The following TUBA4B variants were observed in gnomAD, a reference collection of about 807,000 sequenced individuals.
The protein encoded by TUBA4B is tubulin alpha 4b.
Under a neutral mutation model 18.4 loss-of-function variants are expected in TUBA4B, and 13 were observed. That is an observed-to-expected ratio of 0.71 (90% CI 0.46 to 1.12). The LOEUF is 1.12. Ranked by LOEUF, TUBA4B falls within the 50% of genes most tolerant of loss-of-function variation. TUBA4B has a pLI of 0.00. For missense variants in TUBA4B, 244 were observed against 250.0 expected (o/e 0.98, Z 0.16); for synonymous variants, 101 against 99.1 (o/e 1.02, Z -0.11).
At position 219,253,357 on chromosome 2, in the gene TUBA4B, G is replaced by GGT. The variant is rs945158333; in HGVS notation, c.-50_-49insTG. The GGT allele has an allele frequency of 9.2e-6, 14 of 1,515,780 alleles. No homozygotes were observed. Among genetic ancestry groups the GGT allele is most frequent in the East Asian group, 2.5e-5 (1 of 40,812 alleles). 93.9% of individuals were successfully genotyped at this position (1,515,780 alleles called of 1,614,324 possible). On this transcript the variant is annotated 5_prime_UTR_variant, in exon 1 of 4. Transcript: ENST00000490341. ...TCAGACGCGGGGTGCTGAGTCACGG[G>GGT]GGGGGGGTGGTTCTGTGGATAGTTG...
At chr2:219,259,096 C>T (rs2015737017) in intron 1 of TUBA4B, among the ~76,000 whole-genome samples, 1 of 151,214 alleles carries the variant, frequency 6.6e-6, no homozygotes, top group Non-Finnish European at 1.5e-5. Context: ...GCCTGACCAA[C>T]ATGGTGAAAC....
At chr2:219,254,035 C>T (rs968347235) in intron 1 of TUBA4B, 3 of 559,982 alleles carry the variant, frequency 5.4e-6, no homozygotes, top group South Asian at 4.0e-5. Context: ...GGGTAAGCGG[C>T]CCCCCCGAGG....
At position 219,253,361 on chromosome 2, in the gene TUBA4B, G is replaced by A. The variant is rs1401217878; in HGVS notation, c.-47G>A. The A allele has an allele frequency of 2.0e-6, 3 of 1,534,020 alleles. No homozygotes were observed. The highest frequency in any genetic ancestry group is 2.4e-5 in the East Asian group (1 of 40,912). The stretch of plus-strand genomic sequence containing the variant: ...ACGCGGGGTGCTGAGTCACGGGGGG[G>A]GGGTGGTTCTGTGGATAGTTGGAAT... On this transcript the variant is annotated 5_prime_UTR_variant, in exon 1 of 4. Coordinates refer to ENST00000490341, the MANE Select transcript of TUBA4B (RefSeq NM_001355221.1).
chr2:219,257,641 CAAAAAAAAA>C (rs1158116997), intron 1 of TUBA4B, among the ~76,000 whole-genome samples: 4 of 41,488 alleles, frequency 9.6e-5, no homozygotes, highest in African/African-American at 1.7e-4. Context: ...GACACTGTCT[CAAAAAAAAA>C]AAAAAAAAAA....
intron 1 of TUBA4B, among the ~76,000 whole-genome samples, chr2:219,257,013 T>C (rs1430138697): frequency 1.3e-5 from 2 of 149,758 alleles, no homozygotes; most frequent in Non-Finnish European, 3.0e-5. Flanking sequence ...GGCCAACACC[T>C]TCATTTCAGT....
Position 219,254,090 on chromosome 2 carries a change from C to A in TUBA4B, c.12+671C>A, listed in dbSNP as rs1329096635. On this transcript the variant is annotated intron_variant, in intron 1 of 3. Coordinates refer to ENST00000490341, the MANE Select transcript of TUBA4B (RefSeq NM_001355221.1). Reference sequence around the variant, plus strand: ...CCCTCCCCAAGCTGCGCGGGGGTCCCTCACCTGTCCCGCTGGGATTAAGAG... The same window carrying A: ...CCCTCCCCAAGCTGCGCGGGGGTCCATCACCTGTCCCGCTGGGATTAAGAG... 1.6e-5 allele frequency: 7 copies of A among 434,518 alleles called. No homozygotes were observed. In the South Asian group the frequency reaches 4.4e-4, roughly 27 times the overall value. 26.9% of individuals were successfully genotyped at this position (434,518 alleles called of 1,614,324 possible). A position where few individuals can be genotyped will look rare whatever the true frequency, so the allele number is the denominator to read the frequency against.
intron 3 of TUBA4B, 62 bp downstream of exon 3, chr2:219,270,397 T>C (rs1951818387): frequency 2.9e-6 from 2 of 696,436 alleles, no homozygotes; most frequent in Non-Finnish European, 5.3e-6. Context: ...TGTGAGGTAG[T>C]CTGGACACCA....
chr2:219,270,084 A>G (rs1391919044), intron 2 of TUBA4B, 118 bp from the exon 3 acceptor site: 1 of 630,060 alleles, frequency 1.6e-6, no homozygotes, highest in African/African-American at 1.8e-5. Context: ...AGCAGCCTGA[A>G]TGCAGAACCT....
intron 2 of TUBA4B, among the ~76,000 whole-genome samples, chr2:219,268,548 G>A (rs1175136177): frequency 6.6e-6 from 1 of 152,188 alleles, no homozygotes; most frequent in Non-Finnish European, 1.5e-5. Context: ...GTTTTTCTAG[G>A]AGGGGCTCTT....
In TUBA4B at chr2:219,271,414, A is replaced by T. The variant is rs1325314199; in HGVS notation, c.441A>T (p.Ala147=). The T allele has an allele frequency of 4.3e-6, 7 of 1,614,144 alleles. No homozygotes were observed. Among genetic ancestry groups the T allele is most frequent in the South Asian group, 3.3e-5 (3 of 91,078 alleles). Residue 147 remains alanine, a synonymous_variant, in exon 4 of 4, where the codon GCA becomes GCT. Transcript: ENST00000490341. ...SDCAFMVDNK[A]IYDICHCNLD... ...GTGCCTTCATGGTGGACAACAAAGCAATCTATGACATCTGCCACTGCAACC... is the reference window on the plus strand; with the variant it reads ...GTGCCTTCATGGTGGACAACAAAGCTATCTATGACATCTGCCACTGCAACC...
At chr2:219,256,361 T>A (rs1241511267) in intron 1 of TUBA4B, among the ~76,000 whole-genome samples, 1 of 152,248 alleles carries the variant, frequency 6.6e-6, no homozygotes, top group Non-Finnish European at 1.5e-5. Flanking sequence ...ATATTATAGA[T>A]AGCAAACTAT....
At chr2:219,264,598 G>A (rs1951778897) in intron 1 of TUBA4B, among the ~76,000 whole-genome samples, 1 of 152,144 alleles carries the variant, frequency 6.6e-6, no homozygotes, top group South Asian at 2.1e-4. Flanking sequence ...CGCCACAGTC[G>A]ATCTGATAAG....
rs1951781931 is a variant in TUBA4B at position 219,265,022 on chromosome 2, T to C, written c.13-1499T>C. On this transcript the variant is annotated intron_variant, in intron 1 of 3. Coordinates refer to ENST00000490341, the MANE Select transcript of TUBA4B (RefSeq NM_001355221.1). ...GGGTTCTGGTTTAGTCAAACAAGGA[T>C]GTTGAAGCTAGTGGGAGGCAAGACA... is the stretch of plus-strand genomic sequence containing the variant. Among the ~76,000 whole-genome samples the C allele has an allele frequency of 2.6e-5, 4 of 151,930 alleles. No individual in the cohort carries two copies. In the South Asian group the frequency reaches 8.3e-4, roughly 32 times the overall value.
intron 2 of TUBA4B, among the ~76,000 whole-genome samples, chr2:219,267,789 G>A (rs982004060): frequency 6.6e-6 from 1 of 152,002 alleles, no homozygotes; most frequent in Non-Finnish European, 1.5e-5. Context: ...GGTCTCAATC[G>A]CCTGACCTTG....
At chr2:219,263,537 G>C (rs1406874154) in intron 1 of TUBA4B, among the ~76,000 whole-genome samples, 1 of 152,200 alleles carries the variant, frequency 6.6e-6, no homozygotes, top group African/African-American at 2.4e-5. Flanking sequence ...TACCTAGGTT[G>C]ACTCTGAGAG....
At chr2:219,263,757 G>A (rs1951772991) in intron 1 of TUBA4B, among the ~76,000 whole-genome samples, 1 of 152,130 alleles carries the variant, frequency 6.6e-6, no homozygotes, top group Admixed American at 6.5e-5. Flanking sequence ...GTTCCAGGTG[G>A]GAGACAGAAG....
rs1951827531 is a variant in TUBA4B, at chr2:219,271,658, A to G, written c.685A>G (p.Arg229Gly). ...TACCACGAGCAGCTGTTGGTGGCAGAGATTACCAATGCCTGCTTTGAGCCT... is the reference window on the plus strand; with the variant it reads ...TACCACGAGCAGCTGTTGGTGGCAGGGATTACCAATGCCTGCTTTGAGCCT... ...RYTTSSCWWQRLPMPALSLPT... is the reference protein window; with the variant it reads ...RYTTSSCWWQGLPMPALSLPT... The change falls in exon 4 of 4, where the codon AGA becomes GGA. Residue 229 changes from arginine to glycine, a missense_variant. Coordinates refer to ENST00000490341, the MANE Select transcript of TUBA4B (RefSeq NM_001355221.1). 6.2e-7 allele frequency: 1 copy of G among 1,613,658 alleles called. No homozygotes were observed. The highest frequency in any genetic ancestry group is 1.3e-5 in the African/African-American group (1 of 74,906).
At position 219,270,192 on chromosome 2, in the gene TUBA4B, C is replaced by A; in HGVS notation, c.59-10C>A. The A allele has an allele frequency of 1.4e-6, 1 of 736,678 alleles. No individual in the cohort carries two copies. The allele number at this position is 736,678 out of a possible 1,614,324, so 45.6% of individuals were successfully genotyped here. ...CAAAACTCTGCCCACTGCAGATGAACTTTGAACAGGCACATACCGCCAGAT... is the reference window on the plus strand; with the variant it reads ...CAAAACTCTGCCCACTGCAGATGAAATTTGAACAGGCACATACCGCCAGAT... On this transcript the variant is annotated splice_polypyrimidine_tract_variant and intron_variant, in intron 2 of 3. Coordinates refer to ENST00000490341, the MANE Select transcript of TUBA4B (RefSeq NM_001355221.1).
intron 1 of TUBA4B, chr2:219,266,249 G>C (rs963555277): frequency 2.4e-6 from 1 of 411,596 alleles, no homozygotes; most frequent in South Asian, 4.7e-5. Context: ...ATGGGATTGC[G>C]TGACTGACAA....
Sources: gnomAD v4.1 joint callset for allele counts (sites outside exome capture counted in the v4.1 genomes callset) on GRCh38, gnomAD v4.1.1 for gene constraint, MANE v1.5 for transcripts, NCBI Gene and HGNC (gene_info 2026-07-23, HGNC 2026-07-21) for gene names.